BTBD10: variants seen among roughly 807,000 people sequenced by gnomAD.
The protein encoded by BTBD10 is BTB/POZ domain-containing protein 10.
BTBD10 carries 21 observed loss-of-function variants against 53.2 expected under a neutral mutation model. That is an observed-to-expected ratio of 0.39 (90% CI 0.28 to 0.57). The LOEUF (loss-of-function observed/expected upper bound fraction) is 0.57. Among genes scored for constraint, BTBD10 ranks in the 20% least tolerant of loss-of-function variants. The pLI, the probability that BTBD10 is intolerant of heterozygous loss-of-function variation, is 0.53. For synonymous variants in BTBD10, 149 were observed against 192.7 expected, an observed-to-expected ratio of 0.77 and a Z score of 1.88; for missense variants, 360 against 594.7, an observed-to-expected ratio of 0.61 and a Z score of 4.10.
chr11:13,408,493 T>G (rs1949874063), intron 6 of BTBD10, among the ~76,000 whole-genome samples: 1 of 152,222 alleles, frequency 6.6e-6, no homozygotes, highest in South Asian at 2.1e-4. Flanking sequence ...TGACTCCCAC[T>G]TATATCTAAC....
At chr11:13,461,350 T>C (rs1001540778) in intron 1 of BTBD10, among the ~76,000 whole-genome samples, 1 of 152,206 alleles carries the variant, frequency 6.6e-6, no homozygotes, top group Non-Finnish European at 1.5e-5. Context: ...ATGCTGAAGA[T>C]GGGGTCCATA....
intron 8 of BTBD10, among the ~76,000 whole-genome samples, chr11:13,402,868 T>G (rs1416885876): frequency 6.6e-6 from 1 of 152,196 alleles, no homozygotes; most frequent in Non-Finnish European, 1.5e-5. Context: ...CATATATTCA[T>G]GTCCACACAC....
At chr11:13,454,899 T>G (rs1343999817) in intron 1 of BTBD10, among the ~76,000 whole-genome samples, 1 of 152,094 alleles carries the variant, frequency 6.6e-6, no homozygotes, top group Non-Finnish European at 1.5e-5. Flanking sequence ...GTTTATTTAT[T>G]TATTTGTATT....
chr11:13,442,133 A>G (rs946965666), intron 2 of BTBD10, among the ~76,000 whole-genome samples: 1 of 152,110 alleles, frequency 6.6e-6, no homozygotes, highest in Non-Finnish European at 1.5e-5. Context: ...CTATCTCTGG[A>G]TTTCTTATTT....
chr11:13,399,138 G>C (rs1458106859), intron 8 of BTBD10, among the ~76,000 whole-genome samples: 1 of 152,230 alleles, frequency 6.6e-6, no homozygotes, highest in Non-Finnish European at 1.5e-5. Flanking sequence ...ATCCTGCAGA[G>C]TGTTTTCCAA....
chr11:13,419,559 T>A lies in BTBD10; in HGVS notation c.485A>T (p.Asn162Ile), dbSNP rs763231990. The change falls in exon 4 of 9, where the codon AAT (asparagine) becomes ATT (isoleucine). Residue 162 changes from asparagine (N) to isoleucine (I), a missense_variant. Physicochemically the swap from Asn to Ile is moderately radical, Grantham distance 149. Transcript: ENST00000278174. ...VYENAKEGAR[N>I]IRTSERVTLI... ...TGTCACTCGTTCTGACGTTCTTATA[T>A]TCCGAGCTCCTTCTTTTGCATTTTC... The A allele has an allele frequency of 3.7e-6, 6 of 1,614,188 alleles. No homozygotes were observed. The South Asian group carries it at 6.6e-5, about 18-fold the overall frequency.
At chr11:13,395,067 A>G (rs1949505473) in intron 8 of BTBD10, among the ~76,000 whole-genome samples, 1 of 147,194 alleles carries the variant, frequency 6.8e-6, no homozygotes, top group South Asian at 2.2e-4. Context: ...CAGTAACGGG[A>G]TGGCTGGGTC....
chr11:13,434,143 T>C (rs1053574540), intron 2 of BTBD10, among the ~76,000 whole-genome samples: 78 of 152,264 alleles, frequency 5.1e-4, no homozygotes, highest in African/African-American at 1.9e-3. Context: ...AGCCTAAAAA[T>C]AGTTTTAATA....
At chr11:13,452,532 A>G (rs150607711) in intron 1 of BTBD10, among the ~76,000 whole-genome samples, 4 of 152,204 alleles carry the variant, frequency 2.6e-5, no homozygotes, top group African/African-American at 9.6e-5. Context: ...GGCATAATGA[A>G]ACCACTTTTT....
chr11:13,430,927 T>C (rs1237979748), intron 2 of BTBD10, among the ~76,000 whole-genome samples: 1 of 151,238 alleles, frequency 6.6e-6, no homozygotes, highest in Admixed American at 6.6e-5. Flanking sequence ...TTGAGTGTGA[T>C]GTATATGCTC....
intron 8 of BTBD10, among the ~76,000 whole-genome samples, chr11:13,400,426 T>C (rs2135757125): frequency 6.6e-6 from 1 of 152,290 alleles, no homozygotes. Flanking sequence ...AGTGACCCGA[T>C]TTTCCAGGTG....
At chr11:13,410,118 C>G (rs1949908096) in intron 6 of BTBD10, among the ~76,000 whole-genome samples, 1 of 151,946 alleles carries the variant, frequency 6.6e-6, no homozygotes, top group Non-Finnish European at 1.5e-5. Flanking sequence ...CCATATAACC[C>G]AAAACCACCT....
rs539931937 is a variant in BTBD10, at chr11:13,420,750, T to C, written c.298+892A>G. On this transcript the variant is annotated intron_variant, in intron 3 of 8. Coordinates refer to ENST00000278174, the MANE Select transcript of BTBD10 (RefSeq NM_032320.7). ...CTTTTATTGCCTGTTTCTACAATAC[T>C]GGTAGCATCCCAAAAGCAAAATTTG... Among the ~76,000 whole-genome samples, 8 of 152,286 alleles carry C rather than the reference T, an allele frequency of 5.3e-5. No homozygotes were observed. In the East Asian group the frequency reaches 1.5e-3, roughly 29 times the overall value.
intron 1 of BTBD10, among the ~76,000 whole-genome samples, chr11:13,455,342 T>G (rs1035745860): frequency 1.4e-4 from 21 of 152,354 alleles, no homozygotes; most frequent in African/African-American, 3.6e-4. Context: ...TTTTATCACT[T>G]TTATAGAATT....
At chr11:13,433,079 G>A (rs1471613852) in intron 2 of BTBD10, among the ~76,000 whole-genome samples, 1 of 152,122 alleles carries the variant, frequency 6.6e-6, no homozygotes, top group African/African-American at 2.4e-5. Flanking sequence ...TTTTGTCCAT[G>A]TTTCCTGGCT....
At chr11:13,406,553 G>A (rs56105729) in intron 6 of BTBD10, among the ~76,000 whole-genome samples, 7 of 147,438 alleles carry the variant, frequency 4.7e-5, no homozygotes, top group East Asian at 4.0e-4. Flanking sequence ...GCAACCATAC[G>A]CATGAGTGAG....
chr11:13,459,142 C>T (rs896471818), intron 1 of BTBD10, among the ~76,000 whole-genome samples: 4 of 149,370 alleles, frequency 2.7e-5, no homozygotes, highest in Non-Finnish European at 6.0e-5. Flanking sequence ...CTGCAAGCTC[C>T]GCCTCCCGGG....
In BTBD10 at chr11:13,448,775, T is replaced by C. The variant is rs1023726151; in HGVS notation, c.-57-3594A>G. The stretch of plus-strand genomic sequence containing the variant: ...ACTGAATGGCTCCTCGTTTCCTATA[T>C]CTAAACTCCTTACTATAAAAAGGTC... On this transcript the variant is annotated intron_variant, in intron 1 of 8. Transcript: ENST00000278174. Among the ~76,000 whole-genome samples the C allele has an allele frequency of 3.9e-5, 6 of 152,256 alleles. No individual in the cohort carries two copies. The South Asian group carries it at 1.0e-3, about 26-fold the overall frequency.
chr11:13,417,189 C>T lies in BTBD10; in HGVS notation c.656G>A (p.Gly219Glu). ...NEKGEYEVAE[G>E]IGSTVFRAIL... ...CGCTCGAAACACAGTGGAACCAATTCCCTCTGCCACCTCATACTCTCCTTT... is the reference window on the plus strand; with the variant it reads ...CGCTCGAAACACAGTGGAACCAATTTCCTCTGCCACCTCATACTCTCCTTT... The change falls in exon 5 of 9, where the codon GGA becomes GAA. Residue 219 changes from glycine (G) to glutamate (E), a missense_variant. Physicochemically the swap from Gly to Glu is moderately conservative, Grantham distance 98. Coordinates refer to ENST00000278174, the MANE Select transcript of BTBD10 (RefSeq NM_032320.7). The T allele has an allele frequency of 1.2e-6, 2 of 1,613,438 alleles. No homozygotes were observed. The highest frequency in any genetic ancestry group is 1.7e-6 in the Non-Finnish European group (2 of 1,179,760).
Sources: gnomAD v4.1 joint callset for allele counts (sites outside exome capture counted in the v4.1 genomes callset) on GRCh38, gnomAD v4.1.1 for gene constraint, MANE v1.5 for transcripts, NCBI Gene and HGNC (gene_info 2026-07-23, HGNC 2026-07-21) for gene names.